PLGRKT: variants seen among roughly 807,000 people sequenced by gnomAD.
PLGRKT encodes plasminogen receptor with a C-terminal lysine, also known as plasminogen receptor (KT).
In PLGRKT, 22 loss-of-function variants were observed where a neutral mutation model predicts 18.5. That is an observed-to-expected ratio of 1.19 (90% CI 0.85 to 1.70). The LOEUF is 1.70. Ranked by LOEUF, PLGRKT falls within the 40% of genes most tolerant of loss-of-function variation. PLGRKT has a pLI of 0.00. For missense variants in PLGRKT, 235 were observed against 174.4 expected, an observed-to-expected ratio of 1.35 and a Z score of -1.96; for synonymous variants, 72 against 52.8, an observed-to-expected ratio of 1.36 and a Z score of -1.58.
chr9:5,372,680 A>T (rs765159868), intron 3 of PLGRKT, among the ~76,000 whole-genome samples: 3 of 152,178 alleles, frequency 2.0e-5, no homozygotes, highest in Non-Finnish European at 4.4e-5. Context: ...TGTCGTCTCG[A>T]AGCTTTTCAC....
At chr9:5,424,153 GTAA>G (rs1413894148) in intron 3 of PLGRKT, among the ~76,000 whole-genome samples, 4 of 136,696 alleles carry the variant, frequency 2.9e-5, no homozygotes, top group Non-Finnish European at 4.6e-5. Context: ...TATATTACAT[GTAA>G]TAATATATAT....
chr9:5,424,698 A>AG (rs1554634200), intron 3 of PLGRKT, among the ~76,000 whole-genome samples: 4 of 75,390 alleles, frequency 5.3e-5, no homozygotes, highest in South Asian at 4.2e-4. Flanking sequence ...ATATACACAC[A>AG]GGGGGGGGAG....
intron 3 of PLGRKT, among the ~76,000 whole-genome samples, chr9:5,417,190 G>T (rs979269346): frequency 6.6e-6 from 1 of 152,152 alleles, no homozygotes; most frequent in Non-Finnish European, 1.5e-5. Flanking sequence ...GGGCTGTGTG[G>T]GCAGAACCTG....
chr9:5,380,772 T>C (rs569556074), intron 3 of PLGRKT, among the ~76,000 whole-genome samples: 5 of 152,246 alleles, frequency 3.3e-5, no homozygotes, highest in African/African-American at 4.8e-5. Context: ...ACATAATAGA[T>C]ACAAAATAAA....
intron 2 of PLGRKT, among the ~76,000 whole-genome samples, chr9:5,433,719 AG>A (rs1818886756): frequency 1.7e-5 from 2 of 119,298 alleles, no homozygotes; most frequent in South Asian, 5.7e-4. Flanking sequence ...TCTCTGCCTG[AG>A]CACCCATCGT....
At chr9:5,429,749 T>A (rs987863332) in intron 3 of PLGRKT, among the ~76,000 whole-genome samples, 1 of 152,166 alleles carries the variant, frequency 6.6e-6, no homozygotes, top group African/African-American at 2.4e-5. Context: ...GTACTATAGG[T>A]TAAGGCTTCA....
chr9:5,386,901 C>G (rs1013609137), intron 3 of PLGRKT, among the ~76,000 whole-genome samples: 1 of 151,930 alleles, frequency 6.6e-6, no homozygotes, highest in South Asian at 2.1e-4. Context: ...GACAACCCCT[C>G]AACTATGAAA....
intron 3 of PLGRKT, 54 bp downstream of exon 3, chr9:5,431,843 G>T: frequency 1.2e-6 from 1 of 846,154 alleles, no homozygotes; most frequent in Non-Finnish European, 2.0e-6. Flanking sequence ...AGTACATGTG[G>T]TAGAAACTTT....
At chr9:5,431,711 T>C (rs2131177456) in intron 3 of PLGRKT, among the ~76,000 whole-genome samples, 186 bp downstream of exon 3, 1 of 152,296 alleles carries the variant, frequency 6.6e-6, no homozygotes, top group Admixed American at 6.5e-5. Context: ...CACAAATTTA[T>C]CTGGATTGGA....
chr9:5,358,362 T>C lies in PLGRKT; in HGVS notation c.323-2A>G. 1 of 1,612,464 alleles carries C rather than the reference T, an allele frequency of 6.2e-7. No individual in the cohort carries two copies. The highest frequency in any genetic ancestry group is 8.5e-7 in the Non-Finnish European group (1 of 1,179,080). ...TTTCCAGTATGTCCTCAGCTTCACC[T>C]TAAATAAAGTACAGAAATACACAAG... is the stretch of plus-strand genomic sequence containing the variant. On this transcript the variant is annotated splice_acceptor_variant, in intron 5 of 5. Coordinates refer to ENST00000223864, the MANE Select transcript of PLGRKT (RefSeq NM_018465.4). LOFTEE classifies it high-confidence loss of function.
intron 3 of PLGRKT, among the ~76,000 whole-genome samples, chr9:5,386,193 G>C (rs1817839532): frequency 6.6e-6 from 1 of 151,882 alleles, no homozygotes; most frequent in Non-Finnish European, 1.5e-5. Flanking sequence ...AACTATGGCA[G>C]GCTGACTTGC....
rs754374436 is a variant in PLGRKT at position 5,361,804 on chromosome 9, A to C, written c.166T>G (p.Tyr56Asp). The C allele has an allele frequency of 6.2e-7, 1 of 1,613,440 alleles. No homozygotes were observed. Reference protein sequence around the residue: ...QIAWSREFLKYFGTFFGLAAI... With the variant: ...QIAWSREFLKDFGTFFGLAAI... ...GCAAGGCCAAAAAAAGTTCCAAAAT[A>C]TTTGAGGAATTCCCGAGACCACGCA... The change falls in exon 4 of 6, where the codon TAT (tyrosine) becomes GAT (aspartate). Residue 56 changes from tyrosine (Y) to aspartate (D), a missense_variant. Coordinates refer to ENST00000223864, the MANE Select transcript of PLGRKT (RefSeq NM_018465.4).
At chr9:5,375,955 C>T (rs546401272) in intron 3 of PLGRKT, among the ~76,000 whole-genome samples, 1 of 152,264 alleles carries the variant, frequency 6.6e-6, no homozygotes, top group South Asian at 2.1e-4. Flanking sequence ...AACCCAAGTG[C>T]ATATCAACGG....
chr9:5,394,975 G>A (rs1818017970), intron 3 of PLGRKT, among the ~76,000 whole-genome samples: 1 of 151,786 alleles, frequency 6.6e-6, no homozygotes, highest in South Asian at 2.1e-4. Context: ...AGGCTTTGCA[G>A]CAAGGCTACC....
intron 3 of PLGRKT, among the ~76,000 whole-genome samples, chr9:5,394,165 A>G (rs1427796717): frequency 6.6e-6 from 1 of 151,892 alleles, no homozygotes; most frequent in Non-Finnish European, 1.5e-5. Context: ...AAAATGATCT[A>G]GACTTTTTGA....
chr9:5,415,180 G>C (rs1818435709), intron 3 of PLGRKT, among the ~76,000 whole-genome samples: 1 of 152,148 alleles, frequency 6.6e-6, no homozygotes, highest in Non-Finnish European at 1.5e-5. Flanking sequence ...ACTCAAAAAA[G>C]GATGGGTTCT....
At chr9:5,435,497 A>T (rs1818943397) in intron 2 of PLGRKT, among the ~76,000 whole-genome samples, 1 of 152,156 alleles carries the variant, frequency 6.6e-6, no homozygotes, top group Admixed American at 6.5e-5. Flanking sequence ...TCTCCAAGAT[A>T]GCATGTACTA....
chr9:5,412,169 G>A (rs1818378202), intron 3 of PLGRKT, among the ~76,000 whole-genome samples: 1 of 152,184 alleles, frequency 6.6e-6, no homozygotes, highest in African/African-American at 2.4e-5. Context: ...GACTTAGTAT[G>A]TGATACAGGT....
intron 2 of PLGRKT, among the ~76,000 whole-genome samples, chr9:5,433,127 T>C (rs976477859): frequency 1.3e-4 from 17 of 129,768 alleles, no homozygotes; most frequent in Admixed American, 4.8e-4. Context: ...TGGGAAGAAG[T>C]GAGGAGCGCT....
Sources: gnomAD v4.1 joint callset for allele counts (sites outside exome capture counted in the v4.1 genomes callset) on GRCh38, gnomAD v4.1.1 for gene constraint, MANE v1.5 for transcripts, NCBI Gene and HGNC (gene_info 2026-07-23, HGNC 2026-07-21) for gene names.